Variants in ZC3H6 observed in about 807,000 individuals in gnomAD.
ZC3H6 encodes zinc finger CCCH-type containing 6.
A neutral mutation model predicts 107.7 loss-of-function variants in ZC3H6; 40 were observed. That is an observed-to-expected ratio of 0.37 (90% CI 0.29 to 0.48). The LOEUF (loss-of-function observed/expected upper bound fraction) is 0.48. Among genes scored for constraint, ZC3H6 ranks in the 20% least tolerant of loss-of-function variants. The pLI is 0.98. For missense variants in ZC3H6, 1,267 were observed against 1,410.4 expected (o/e 0.90, Z 1.63); for synonymous variants, 493 against 487.9 (o/e 1.01, Z -0.14).
In ZC3H6 at chr2:112,316,474, A is replaced by G; in HGVS notation, c.752A>G (p.Asn251Ser). The G allele has an allele frequency of 6.2e-7, 1 of 1,601,478 alleles. No homozygotes were observed. The highest frequency in any genetic ancestry group is 8.5e-7 in the Non-Finnish European group (1 of 1,173,146). The change falls in exon 6 of 12, where the codon AAT becomes AGT. Residue 251 changes from asparagine (N) to serine (S), a missense_variant. Transcript: ENST00000409871. ...AATGGAATTTTTTTCTTGCAGTATAATAAACCAGGGAAAAAATGGAAGGTT... is the reference window on the plus strand; with the variant it reads ...AATGGAATTTTTTTCTTGCAGTATAGTAAACCAGGGAAAAAATGGAAGGTT... ...FSVSDDFQEY[N>S]KPGKKWKVMT...
At chr2:112,292,643 A>AT (rs1156356363) in intron 1 of ZC3H6, among the ~76,000 whole-genome samples, 1 of 152,050 alleles carries the variant, frequency 6.6e-6, no homozygotes, top group Non-Finnish European at 1.5e-5. Context: ...TTCCCTCCAC[A>AT]TTCATCAGGG....
chr2:112,289,855 C>T (rs1344979978), intron 1 of ZC3H6, among the ~76,000 whole-genome samples: 5 of 152,194 alleles, frequency 3.3e-5, no homozygotes, highest in African/African-American at 1.2e-4. Context: ...ATTCTACCAC[C>T]CCAGCCTCCA....
At position 112,331,317 on chromosome 2, in the gene ZC3H6, T is replaced by C. The variant is rs1475052217; in HGVS notation, c.2399T>C (p.Val800Ala). ...GGAAGTGGTCACATAGGCTCTTCTG[T>C]TGGTGGAGCAAAGTTTGATTTGCAT... Reference protein sequence around the residue: ...GNGSGHIGSSVGGAKFDLHHA... With the variant: ...GNGSGHIGSSAGGAKFDLHHA... The change falls in exon 12 of 12, where the codon GTT becomes GCT. Residue 800 changes from valine (V) to alanine (A), a missense_variant. Val to Ala is a moderately conservative substitution (Grantham distance 64). Transcript: ENST00000409871. 14 of 1,613,486 alleles carry C rather than the reference T, an allele frequency of 8.7e-6. No homozygotes were observed. Among genetic ancestry groups the C allele is most frequent in the Non-Finnish European group, 1.1e-5 (13 of 1,179,882 alleles).
At chr2:112,304,048 A>G (rs1676431998) in intron 3 of ZC3H6, among the ~76,000 whole-genome samples, 1 of 152,238 alleles carries the variant, frequency 6.6e-6, no homozygotes, top group Non-Finnish European at 1.5e-5. Flanking sequence ...ACAATAATGT[A>G]AGTATAAAAA....
intron 9 of ZC3H6, 130 bp downstream of exon 9, chr2:112,323,032 C>A: frequency 1.0e-6 from 1 of 977,356 alleles, no homozygotes; most frequent in Non-Finnish European, 1.5e-6. Context: ...GGCATGCACG[C>A]AGATTGTTGC....
intron 1 of ZC3H6, among the ~76,000 whole-genome samples, chr2:112,282,139 G>C (rs1686539846): frequency 6.6e-6 from 1 of 152,174 alleles, no homozygotes; most frequent in Non-Finnish European, 1.5e-5. Context: ...TAGGAGATCT[G>C]CCTCACTAGG....
At chr2:112,277,551 T>C (rs774337798) in intron 1 of ZC3H6, among the ~76,000 whole-genome samples, 5 of 152,320 alleles carry the variant, frequency 3.3e-5, no homozygotes, top group Middle Eastern at 6.8e-3. Flanking sequence ...ACAGACCTTT[T>C]AAAGAATTTG....
intron 3 of ZC3H6, among the ~76,000 whole-genome samples, chr2:112,305,883 A>G (rs1387782773): frequency 1.3e-5 from 2 of 152,196 alleles, no homozygotes; most frequent in Non-Finnish European, 2.9e-5. Context: ...TTAACGTTTT[A>G]CCACATATGC....
At chr2:112,324,883 G>A (rs1676877735) in intron 10 of ZC3H6, 81 bp from the exon 11 acceptor site, 2 of 1,261,708 alleles carry the variant, frequency 1.6e-6, no homozygotes, top group African/African-American at 1.5e-5. Context: ...CAGTGTGCCT[G>A]TGATGAAAGC....
chr2:112,318,210 C>T (rs184981661), intron 7 of ZC3H6, among the ~76,000 whole-genome samples: 88 of 152,050 alleles, frequency 5.8e-4, no homozygotes, highest in Non-Finnish European at 9.1e-4. Context: ...AAAAATGGAA[C>T]GATGTAATTA....
rs1677183214 is a variant in ZC3H6 at position 112,338,813 on chromosome 2, G to A, written c.*6325G>A. On this transcript the variant is annotated 3_prime_UTR_variant, in exon 12 of 12. Transcript: ENST00000409871. The stretch of plus-strand genomic sequence containing the variant: ...ACCTCCATTACCACTAATATCTTGG[G>A]GTTGTCAATGATAGACTATATATAT... 7.1e-6 allele frequency: 1 copy of A among 141,832 alleles called. No homozygotes were observed. Among genetic ancestry groups the A allele is most frequent in the African/African-American group, 2.5e-5 (1 of 39,462 alleles). 8.8% of individuals were successfully genotyped at this position (141,832 alleles called of 1,614,324 possible). A position where few individuals can be genotyped will look rare whatever the true frequency, so the allele number is the denominator to read the frequency against.
intron 1 of ZC3H6, among the ~76,000 whole-genome samples, chr2:112,286,860 T>A (rs547347591): frequency 2.6e-5 from 4 of 152,334 alleles, no homozygotes; most frequent in Non-Finnish European, 4.4e-5. Context: ...AGAAGCATAC[T>A]TTGGCTGAAT....
intron 11 of ZC3H6, among the ~76,000 whole-genome samples, chr2:112,327,953 G>T (rs567321093): frequency 2.0e-5 from 3 of 151,896 alleles, no homozygotes; most frequent in Admixed American, 1.3e-4. Context: ...ACAGTGGTGC[G>T]ATCTCGGCTC....
At chr2:112,330,912 T>C in intron 11 of ZC3H6, 93 bp from the exon 12 acceptor site, 1 of 521,698 alleles carries the variant, frequency 1.9e-6, no homozygotes. Context: ...TGTAGCCATA[T>C]TATAAAGAAT....
intron 1 of ZC3H6, among the ~76,000 whole-genome samples, chr2:112,295,673 C>T (rs1340117312): frequency 6.6e-6 from 1 of 152,056 alleles, no homozygotes; most frequent in African/African-American, 2.4e-5. Context: ...CTCTTTCTCT[C>T]GCATTTTTTG....
intron 1 of ZC3H6, among the ~76,000 whole-genome samples, chr2:112,288,673 A>G (rs944937986): frequency 6.6e-6 from 1 of 152,210 alleles, no homozygotes; most frequent in Non-Finnish European, 1.5e-5. Flanking sequence ...CATGCCACTT[A>G]AGTTTAAAGC....
intron 1 of ZC3H6, among the ~76,000 whole-genome samples, chr2:112,292,780 T>C (rs1160019502): frequency 1.3e-5 from 2 of 152,210 alleles, no homozygotes; most frequent in South Asian, 4.1e-4. Context: ...TTTTATGGCT[T>C]TATCTTTTCA....
intron 1 of ZC3H6, among the ~76,000 whole-genome samples, chr2:112,278,472 C>A (rs533672743): frequency 6.6e-6 from 1 of 152,238 alleles, no homozygotes; most frequent in Non-Finnish European, 1.5e-5. Context: ...CACCCGCCAC[C>A]ACACCTGGCT....
chr2:112,316,634 TTTAAAA>T (rs1297347361), intron 6 of ZC3H6, 48 bp downstream of exon 6: 6 of 1,245,964 alleles, frequency 4.8e-6, no homozygotes, highest in South Asian at 1.4e-5. Context: ...CAAAATAATC[TTTAAAA>T]TTAAAGTCTT....
Sources: allele counts gnomAD v4.1 joint callset (sites outside exome capture counted in the v4.1 genomes callset), GRCh38; gene constraint gnomAD v4.1.1; transcripts MANE v1.5; gene names NCBI Gene and HGNC (gene_info 2026-07-23, HGNC 2026-07-21).